SEZ6L: variants seen among roughly 807,000 people sequenced by gnomAD.
SEZ6L encodes the protein seizure related 6 homolog like, also known as seizure 6-like protein.
In SEZ6L, 37 loss-of-function variants were observed where a neutral mutation model predicts 106.2. The observed-to-expected ratio is 0.35, with a 90% CI of 0.27 to 0.46. The LOEUF is 0.46. Ranked by LOEUF, SEZ6L falls within the 20% of genes least tolerant of loss-of-function variation. The probability of loss-of-function intolerance (pLI) is 1.00; values close to 1 mark genes in which losing one functional copy is unlikely to be tolerated. For synonymous variants in SEZ6L, 541 were observed against 570.4 expected, an observed-to-expected ratio of 0.95 and a Z score of 0.73; for missense variants, 1,172 against 1,332.8, an observed-to-expected ratio of 0.88 and a Z score of 1.88.
intron 7 of SEZ6L, among the ~76,000 whole-genome samples, chr22:26,311,434 A>G (rs1251107437): frequency 6.6e-6 from 1 of 152,196 alleles, no homozygotes; most frequent in East Asian, 1.9e-4. Flanking sequence ...AGACAGCCCT[A>G]CAGTTTCCAG....
At chr22:26,300,776 G>A (rs2081430084) in intron 5 of SEZ6L, among the ~76,000 whole-genome samples, 1 of 152,176 alleles carries the variant, frequency 6.6e-6, no homozygotes, top group Non-Finnish European at 1.5e-5. Context: ...CACCAACAGT[G>A]TAAAAGTGTT....
At chr22:26,340,390 C>A (rs1204675616) in intron 9 of SEZ6L, 46 bp from the exon 10 acceptor site, 2 of 1,529,858 alleles carry the variant, frequency 1.3e-6, no homozygotes, top group Admixed American at 1.9e-5. Context: ...TTATTGAATG[C>A]CCATTCTCTA....
intron 1 of SEZ6L, among the ~76,000 whole-genome samples, chr22:26,189,494 G>A (rs574652697): frequency 3.4e-4 from 51 of 152,196 alleles, no homozygotes; most frequent in African/African-American, 1.2e-3. Context: ...GCTGTGGATT[G>A]AAAATATTCT....
intron 1 of SEZ6L, among the ~76,000 whole-genome samples, chr22:26,200,274 ATGTG>A (rs1402549860): frequency 6.6e-6 from 1 of 151,600 alleles, no homozygotes; most frequent in Non-Finnish European, 1.5e-5. Context: ...ATGTATGTGT[ATGTG>A]TGTGTATGCA....
In SEZ6L at chr22:26,370,770, G is replaced by A. The variant is rs181395074; in HGVS notation, c.2795-2681G>A. Reference sequence around the variant, plus strand: ...TGTAATCCCAGCACTTTGAGAGGCCGAGGTGGGAAGATCACTTGAGCCCAG... The same window carrying A: ...TGTAATCCCAGCACTTTGAGAGGCCAAGGTGGGAAGATCACTTGAGCCCAG... On this transcript the variant is annotated intron_variant, in intron 13 of 16. Coordinates refer to ENST00000248933, the MANE Select transcript of SEZ6L (RefSeq NM_021115.5). Among the ~76,000 whole-genome samples the A allele has an allele frequency of 5.5e-3, 834 of 152,178 alleles. 2 individuals carry two copies. Among genetic ancestry groups the A allele is most frequent in the Non-Finnish European group, 9.3e-3 (635 of 67,994 alleles).
At chr22:26,210,796 T>C (rs1029271469) in intron 1 of SEZ6L, among the ~76,000 whole-genome samples, 9 of 152,192 alleles carry the variant, frequency 5.9e-5, no homozygotes, top group Non-Finnish European at 1.0e-4. Flanking sequence ...ATTTTCGGGT[T>C]TGGCCTGGAA....
intron 1 of SEZ6L, chr22:26,292,146 A>C (rs1003093783): frequency 7.5e-6 from 3 of 398,026 alleles, no homozygotes; most frequent in Admixed American, 4.1e-5. Flanking sequence ...GAAAGAAAGA[A>C]AGGAAGGAAG....
At chr22:26,357,153 G>T (rs891770902) in intron 12 of SEZ6L, among the ~76,000 whole-genome samples, 1 of 152,058 alleles carries the variant, frequency 6.6e-6, no homozygotes, top group African/African-American at 2.4e-5. Context: ...GGGTTTCACC[G>T]TGTTAGCCAG....
intron 1 of SEZ6L, among the ~76,000 whole-genome samples, chr22:26,220,834 T>C (rs530048325): frequency 1.3e-5 from 2 of 151,890 alleles, no homozygotes; most frequent in African/African-American, 4.8e-5. Flanking sequence ...AATGGATGAA[T>C]TGAGAGAAGG....
At chr22:26,363,361 AT>A (rs2083698703) in intron 12 of SEZ6L, among the ~76,000 whole-genome samples, 1 of 152,210 alleles carries the variant, frequency 6.6e-6, no homozygotes, top group African/African-American at 2.4e-5. Context: ...ACCAGGGATT[AT>A]ATCTGTTTTA....
At chr22:26,190,744 A>G (rs1358237051) in intron 1 of SEZ6L, among the ~76,000 whole-genome samples, 1 of 152,196 alleles carries the variant, frequency 6.6e-6, no homozygotes, top group Non-Finnish European at 1.5e-5. Context: ...TGCCAAAGGA[A>G]TGTCAGGAGA....
At chr22:26,343,603 A>T (rs1289707923) in intron 10 of SEZ6L, among the ~76,000 whole-genome samples, 1 of 152,218 alleles carries the variant, frequency 6.6e-6, no homozygotes, top group East Asian at 1.9e-4. Flanking sequence ...GCACACCAGG[A>T]TATAGAGATG....
chr22:26,377,793 G>T lies in SEZ6L; in HGVS notation c.3045+18G>T. ...AGACAGGGGTGAGTTGGTCTCTCTC[G>T]TCTCTTCCCAATTCCCTCCCTCTTT... On this transcript the variant is annotated intron_variant, in intron 16 of 16. Transcript: ENST00000248933. 4 of 1,536,692 alleles carry T rather than the reference G, an allele frequency of 2.6e-6. No individual in the cohort carries two copies. Among genetic ancestry groups the T allele is most frequent in the Non-Finnish European group, 2.7e-6 (3 of 1,109,788 alleles).
At chr22:26,186,213 G>T (rs1197919451) in intron 1 of SEZ6L, among the ~76,000 whole-genome samples, 1 of 152,090 alleles carries the variant, frequency 6.6e-6, no homozygotes, top group Non-Finnish European at 1.5e-5. Flanking sequence ...CTTGGCCAGA[G>T]ATAAGTCCTT....
intron 1 of SEZ6L, among the ~76,000 whole-genome samples, chr22:26,202,890 T>C (rs995599077): frequency 1.3e-5 from 2 of 152,254 alleles, no homozygotes; most frequent in African/African-American, 4.8e-5. Context: ...AACACTGGGC[T>C]GCAATAATTT....
At chr22:26,327,463 TAC>T (rs1221949792) in intron 9 of SEZ6L, among the ~76,000 whole-genome samples, 1 of 91,160 alleles carries the variant, frequency 1.1e-5, no homozygotes, top group African/African-American at 4.1e-5. Context: ...CCACACACCA[TAC>T]ACACACACCC....
chr22:26,265,818 A>C (rs2080157921), intron 1 of SEZ6L, among the ~76,000 whole-genome samples: 2 of 152,300 alleles, frequency 1.3e-5, no homozygotes, highest in South Asian at 4.1e-4. Context: ...TCCTAGGAGC[A>C]GATAGGGAGG....
chr22:26,364,425 TAAAAAAA>T (rs10577471), intron 12 of SEZ6L, among the ~76,000 whole-genome samples: 1 of 131,280 alleles, frequency 7.6e-6, no homozygotes, highest in East Asian at 2.2e-4. Context: ...GTCTCTACTT[TAAAAAAA>T]AAAAAAAAAA....
rs775129466 is a variant in SEZ6L at position 26,292,519 on chromosome 22, C to A, written c.208C>A (p.Pro70Thr). The A allele has an allele frequency of 1.2e-6, 2 of 1,613,802 alleles. No individual in the cohort carries two copies. The highest frequency in any genetic ancestry group is 1.1e-5 in the South Asian group (1 of 90,964). ...CCCTGAAGAGAGAGTGGTAACAGCG[C>A]CCCCCAGTTCCTCACAGTCGGCGGA... ...EHPEERVVTA[P>T]PSSSQSAEVL... Residue 70 changes from proline (P) to threonine (T), a missense_variant, in exon 2 of 17, where the codon CCC becomes ACC. Physicochemically the swap from Pro to Thr is conservative, Grantham distance 38. Transcript: ENST00000248933.
Sources: gnomAD v4.1 joint callset for allele counts (sites outside exome capture counted in the v4.1 genomes callset) on GRCh38, gnomAD v4.1.1 for gene constraint, MANE v1.5 for transcripts, NCBI Gene and HGNC (gene_info 2026-07-23, HGNC 2026-07-21) for gene names.